The following DOCK3 variants were observed in gnomAD, a reference collection of about 807,000 sequenced individuals.
The protein encoded by DOCK3 is dedicator of cytokinesis 3.
A neutral mutation model predicts 265.6 loss-of-function variants in DOCK3; 60 were observed. The observed-to-expected ratio is 0.23, with a 90% CI of 0.18 to 0.28. DOCK3 has a LOEUF of 0.28. Among genes scored for constraint, DOCK3 ranks in the 10% least tolerant of loss-of-function variants. The probability of loss-of-function intolerance (pLI) is 1.00; values close to 1 mark genes in which losing one functional copy is unlikely to be tolerated. For missense variants in DOCK3, 1,981 were observed against 2,594.3 expected, an observed-to-expected ratio of 0.76 and a Z score of 5.14; for synonymous variants, 881 against 938.0, an observed-to-expected ratio of 0.94 and a Z score of 1.11.
chr3:51,062,547 G>A (rs1434555255), intron 5 of DOCK3, among the ~76,000 whole-genome samples: 2 of 152,078 alleles, frequency 1.3e-5, no homozygotes, highest in Admixed American at 1.3e-4. Flanking sequence ...CCTACCCTTG[G>A]CCACTCTGAT....
At chr3:51,082,742 C>CGG in intron 7 of DOCK3, among the ~76,000 whole-genome samples, 1 of 152,200 alleles carries the variant, frequency 6.6e-6, no homozygotes, top group Non-Finnish European at 1.5e-5. Context: ...CACATACCTT[C>CGG]CAGGACCTGG....
intron 1 of DOCK3, among the ~76,000 whole-genome samples, chr3:50,676,525 C>G (rs1180476926): frequency 6.6e-6 from 1 of 152,112 alleles, no homozygotes; most frequent in East Asian, 1.9e-4. Context: ...GACATTTTAC[C>G]CCTTCTCTTA....
At chr3:51,009,707 G>A (rs1303144837) in intron 5 of DOCK3, among the ~76,000 whole-genome samples, 4 of 152,130 alleles carry the variant, frequency 2.6e-5, no homozygotes, top group Non-Finnish European at 5.9e-5. Context: ...TAATTGTGGG[G>A]TTAGGGTGTC....
At chr3:51,238,528 G>T (rs1256123496) in intron 21 of DOCK3, among the ~76,000 whole-genome samples, 1 of 152,058 alleles carries the variant, frequency 6.6e-6, no homozygotes, top group Non-Finnish European at 1.5e-5. Flanking sequence ...TGTCATGGAG[G>T]TTTGTTGTAT....
chr3:51,233,358 C>CTATTTATTTATTTATT (rs771753831), intron 19 of DOCK3, among the ~76,000 whole-genome samples: 10 of 61,168 alleles, frequency 1.6e-4, no homozygotes, highest in African/African-American at 3.0e-4. Context: ...ATCTATCTAT[C>CTATTTATTTATTTATT]TATTTATTTA....
intron 27 of DOCK3, among the ~76,000 whole-genome samples, chr3:51,287,132 G>C: frequency 6.6e-6 from 1 of 152,082 alleles, no homozygotes; most frequent in Non-Finnish European, 1.5e-5. Context: ...AAACAACTCT[G>C]TTAAAAAGTG....
chr3:50,846,069 G>A (rs985049542), intron 3 of DOCK3, among the ~76,000 whole-genome samples: 5 of 152,262 alleles, frequency 3.3e-5, no homozygotes, highest in South Asian at 2.1e-4. Flanking sequence ...ACATAAGAAC[G>A]TGATAATTCT....
chr3:51,322,407 G>A (rs1211258600), intron 32 of DOCK3, among the ~76,000 whole-genome samples: 1 of 152,024 alleles, frequency 6.6e-6, no homozygotes, highest in Non-Finnish European at 1.5e-5. Context: ...GTTTCACCAT[G>A]TTAGCCAGGA....
intron 28 of DOCK3, among the ~76,000 whole-genome samples, chr3:51,311,785 C>A (rs1415507894): frequency 6.6e-6 from 1 of 152,218 alleles, no homozygotes; most frequent in East Asian, 1.9e-4. Context: ...ATGTCCTGTG[C>A]TGTCCTGCCA....
intron 5 of DOCK3, among the ~76,000 whole-genome samples, chr3:50,961,024 T>C (rs1352416835): frequency 6.6e-6 from 1 of 152,192 alleles, no homozygotes; most frequent in African/African-American, 2.4e-5. Flanking sequence ...TAAATTCTGT[T>C]CAGTTGATCT....
intron 4 of DOCK3, among the ~76,000 whole-genome samples, chr3:50,898,785 A>T (rs974945766): frequency 8.6e-5 from 13 of 151,992 alleles, no homozygotes; most frequent in African/African-American, 1.4e-4. Context: ...GTAGTTGTGC[A>T]GTTTTGATTA....
chr3:50,744,877 C>A (rs972221537), intron 1 of DOCK3, among the ~76,000 whole-genome samples: 2 of 152,138 alleles, frequency 1.3e-5, no homozygotes, highest in Non-Finnish European at 2.9e-5. Context: ...TTAAAAATGT[C>A]TCATGGTTTA....
chr3:51,380,000 C>A, intron 51 of DOCK3, 125 bp from the exon 52 acceptor site: 2 of 744,282 alleles, frequency 2.7e-6, no homozygotes, highest in Admixed American at 3.1e-5. Context: ...TTATCCATAG[C>A]CCTCAATGCT....
intron 32 of DOCK3, among the ~76,000 whole-genome samples, chr3:51,320,613 G>C (rs564107034): frequency 6.6e-6 from 1 of 152,144 alleles, no homozygotes; most frequent in Non-Finnish European, 1.5e-5. Flanking sequence ...GTCCGAGGTC[G>C]ACCTGGGACA....
At chr3:50,859,852 T>G (rs2046819124) in intron 3 of DOCK3, among the ~76,000 whole-genome samples, 1 of 152,174 alleles carries the variant, frequency 6.6e-6, no homozygotes, top group Non-Finnish European at 1.5e-5. Context: ...GTTGCAGCAA[T>G]GTTCCCTCTC....
chr3:50,921,047 A>G (rs1420972048), intron 4 of DOCK3, among the ~76,000 whole-genome samples: 1 of 152,196 alleles, frequency 6.6e-6, no homozygotes, highest in Non-Finnish European at 1.5e-5. Flanking sequence ...GTTTTCATGT[A>G]GTTGAGCAGT....
At chr3:50,926,172 C>T (rs9877636) in intron 4 of DOCK3, among the ~76,000 whole-genome samples, 1,613 of 152,200 alleles carry the variant, frequency 0.011, 40 homozygotes, top group African/African-American at 0.036. Flanking sequence ...TGCTTCTCTC[C>T]TCCCCTGATG....
intron 2 of DOCK3, among the ~76,000 whole-genome samples, chr3:50,780,459 A>G (rs1193870923): frequency 1.3e-5 from 2 of 152,202 alleles, no homozygotes; most frequent in African/African-American, 4.8e-5. Context: ...GGAAGCTTCC[A>G]CTCATGGCAA....
intron 7 of DOCK3, among the ~76,000 whole-genome samples, chr3:51,083,220 G>C (rs879401326): frequency 2.0e-5 from 3 of 152,152 alleles, no homozygotes; most frequent in Admixed American, 6.5e-5. Flanking sequence ...ATCATATGGA[G>C]AGTCTGCTAC....
Sources: gnomAD v4.1 joint callset for allele counts (sites outside exome capture counted in the v4.1 genomes callset) on GRCh38, gnomAD v4.1.1 for gene constraint, MANE v1.5 for transcripts, NCBI Gene and HGNC (gene_info 2026-07-23, HGNC 2026-07-21) for gene names.